Variants in DHRSX observed in about 807,000 individuals in gnomAD.
DHRSX encodes dehydrogenase/reductase X-linked, also known as polyprenol dehydrogenase.
In DHRSX, 31 loss-of-function variants were observed where a neutral mutation model predicts 34.0. The observed-to-expected ratio is 0.91, with a 90% CI of 0.69 to 1.23. The LOEUF is 1.23. Among genes scored for constraint, DHRSX ranks in the 50% most tolerant of loss-of-function variants. The probability of loss-of-function intolerance (pLI) is 0.00; values close to 1 mark genes in which losing one functional copy is unlikely to be tolerated. For synonymous variants in DHRSX, 201 were observed against 183.8 expected, an observed-to-expected ratio of 1.09 and a Z score of -0.76; for missense variants, 414 against 428.1, an observed-to-expected ratio of 0.97 and a Z score of 0.29.
intron 3 of DHRSX, among the ~76,000 whole-genome samples, chrX:2,374,088 A>G (rs1569495046): frequency 6.6e-6 from 1 of 152,170 alleles, no homozygotes; most frequent in Non-Finnish European, 1.5e-5. Context: ...GCAATGGCCT[A>G]CCACCCTCAT....
rs377661417 is a variant in DHRSX at position 2,286,646 on chromosome X, G to A, written c.388+4856C>T. Among the ~76,000 whole-genome samples the A allele has an allele frequency of 1.3e-4, 19 of 151,318 alleles. 1 individual carries two copies. The highest frequency in any genetic ancestry group is 4.1e-4 in the African/African-American group (17 of 41,244). On this transcript the variant is annotated intron_variant, in intron 4 of 6. Transcript: ENST00000334651. ...GGTATTCAACACAGCCTCCAAAAGC[G>A]AAGTCTCCAGCTCTTTTCTAGAAGC...
intron 1 of DHRSX, among the ~76,000 whole-genome samples, chrX:2,428,484 G>A (rs1310953249): frequency 1.3e-5 from 2 of 152,100 alleles, no homozygotes; most frequent in East Asian, 1.9e-4. Flanking sequence ...CATGGATGAA[G>A]CTGGAAACCA....
At chrX:2,485,970 T>A (rs1200622863) in intron 1 of DHRSX, among the ~76,000 whole-genome samples, 1 of 137,420 alleles carries the variant, frequency 7.3e-6, no homozygotes, top group African/African-American at 2.8e-5. Context: ...GAGGGAGGGT[T>A]GGACGGAAGG....
chrX:2,242,382 G>A (rs1253737637), intron 6 of DHRSX, among the ~76,000 whole-genome samples: 3 of 151,932 alleles, frequency 2.0e-5, no homozygotes, highest in Admixed American at 1.3e-4. Context: ...AATACATCAC[G>A]GAATCCAAGC....
intron 3 of DHRSX, among the ~76,000 whole-genome samples, chrX:2,371,206 TCC>T (rs2043055003): frequency 7.0e-6 from 1 of 142,144 alleles, no homozygotes; most frequent in African/African-American, 2.7e-5. Context: ...GTTACCACAG[TCC>T]CTTCTCCCGT....
chrX:2,241,783 C>T (rs1205366726), intron 6 of DHRSX, among the ~76,000 whole-genome samples: 1 of 152,010 alleles, frequency 6.6e-6, no homozygotes, highest in Non-Finnish European at 1.5e-5. Context: ...TGTCACATGC[C>T]TGTAATCCCA....
At chrX:2,335,196 A>G (rs1277059065) in intron 3 of DHRSX, among the ~76,000 whole-genome samples, 1 of 151,650 alleles carries the variant, frequency 6.6e-6, no homozygotes, top group African/African-American at 2.4e-5. Flanking sequence ...AAAAAAAAAA[A>G]AAAGAAAAAT....
At chrX:2,321,468 C>T (rs1291517008) in intron 3 of DHRSX, among the ~76,000 whole-genome samples, 3 of 151,884 alleles carry the variant, frequency 2.0e-5, no homozygotes, top group Non-Finnish European at 4.4e-5. Context: ...GGAGACGGAG[C>T]CTTTGGGAGA....
Position 2,316,509 on chromosome X carries a change from A to ACCAC in DHRSX, c.287-24910_287-24907dup, listed in dbSNP as rs1007052459. ...GGAGGTTGCAGTGAGCCGAGATTGC[A>ACCAC]CCACTGCACTCCAGCCTGGGTGATA... On this transcript the variant is annotated intron_variant, in intron 3 of 6. Coordinates refer to ENST00000334651, the MANE Select transcript of DHRSX (RefSeq NM_145177.3). Among the ~76,000 whole-genome samples, 40 of 152,120 alleles carry ACCAC rather than the reference A, an allele frequency of 2.6e-4. 1 individual carries two copies. The highest frequency in any genetic ancestry group is 7.2e-4 in the African/African-American group (30 of 41,528).
At chrX:2,344,530 C>T (rs2042677059) in intron 3 of DHRSX, among the ~76,000 whole-genome samples, 3 of 152,082 alleles carry the variant, frequency 2.0e-5, no homozygotes, top group Admixed American at 2.0e-4. Flanking sequence ...GAATACTATG[C>T]AGCCATAAAA....
chrX:2,430,258 CA>C (rs5901189), intron 1 of DHRSX, among the ~76,000 whole-genome samples: 21,881 of 123,156 alleles, frequency 0.18, 2,937 homozygotes, highest in African/African-American at 0.42. Context: ...GACCCCAGCT[CA>C]AAAAAAAAAA....
intron 3 of DHRSX, among the ~76,000 whole-genome samples, chrX:2,360,277 T>C (rs2042912241): frequency 6.6e-6 from 1 of 152,124 alleles, no homozygotes; most frequent in Admixed American, 6.6e-5. Context: ...GAGTGAAGGA[T>C]AGACTATGCA....
chrX:2,482,701 A>T (rs1274598187), intron 1 of DHRSX, among the ~76,000 whole-genome samples: 1 of 152,244 alleles, frequency 6.6e-6, no homozygotes, highest in Non-Finnish European at 1.5e-5. Context: ...TTTTGGAAGC[A>T]ATTTAAATTC....
At chrX:2,350,461 G>A (rs751097560) in intron 3 of DHRSX, among the ~76,000 whole-genome samples, 24 of 152,270 alleles carry the variant, frequency 1.6e-4, no homozygotes, top group Middle Eastern at 3.4e-3. Flanking sequence ...GGATGTTAAC[G>A]TGAAATACAC....
chrX:2,351,797 G>A (rs2042791686), intron 3 of DHRSX, among the ~76,000 whole-genome samples: 1 of 152,178 alleles, frequency 6.6e-6, no homozygotes, highest in Non-Finnish European at 1.5e-5. Flanking sequence ...CCAACTCACT[G>A]CAACCTCCAC....
At chrX:2,265,488 A>C (rs1263616381) in intron 5 of DHRSX, among the ~76,000 whole-genome samples, 300 of 52,480 alleles carry the variant, frequency 5.7e-3, no homozygotes, top group Middle Eastern at 0.017. Context: ...GTCCAGCAGA[A>C]GCAGGGAGCA....
At position 2,483,789 on chromosome X, in the gene DHRSX, CAAAA is replaced by C. The variant is rs111577835; in HGVS notation, c.109+17024_109+17027del. ...TCGAGAAAAAAAAGGGAAAAAGTGG[CAAAA>C]AAAAAAAAAAAAAAAAGTAGTTTCA... On this transcript the variant is annotated intron_variant, in intron 1 of 6. Coordinates refer to ENST00000334651, the MANE Select transcript of DHRSX (RefSeq NM_145177.3). Among the ~76,000 whole-genome samples the C allele has an allele frequency of 7.3e-3, 805 of 110,394 alleles. 5 individuals are homozygous for C. Among genetic ancestry groups the C allele is most frequent in the Non-Finnish European group, 0.013 (655 of 49,732 alleles). The allele number at this position is 110,394 out of a possible 152,430, so 72.4% of individuals were successfully genotyped here.
intron 1 of DHRSX, among the ~76,000 whole-genome samples, chrX:2,437,623 A>G (rs1417485863): frequency 1.4e-4 from 21 of 151,772 alleles, no homozygotes; most frequent in African/African-American, 9.7e-5. Context: ...AGAAGAAGAA[A>G]AAAAAGCATC....
intron 3 of DHRSX, among the ~76,000 whole-genome samples, chrX:2,347,180 G>C (rs1369320155): frequency 6.6e-6 from 1 of 152,190 alleles, no homozygotes; most frequent in East Asian, 1.9e-4. Context: ...GTTCCACGTG[G>C]CTGGGGAAGC....
Sources: allele counts gnomAD v4.1 joint callset (sites outside exome capture counted in the v4.1 genomes callset), GRCh38; gene constraint gnomAD v4.1.1; transcripts MANE v1.5; gene names NCBI Gene and HGNC (gene_info 2026-07-23, HGNC 2026-07-21).